Variants in CDH13 observed in about 807,000 individuals in gnomAD.
CDH13 encodes the protein cadherin-13.
A neutral mutation model predicts 63.8 loss-of-function variants in CDH13; 24 were observed. The observed-to-expected ratio is 0.38, with a 90% CI of 0.27 to 0.53. The LOEUF (loss-of-function observed/expected upper bound fraction) is 0.53. Ranked by LOEUF, CDH13 falls within the 20% of genes least tolerant of loss-of-function variation. CDH13 has a pLI of 0.85. For missense variants in CDH13, 1,049 were observed against 903.1 expected, an observed-to-expected ratio of 1.16 and a Z score of -2.07; for synonymous variants, 503 against 355.3, an observed-to-expected ratio of 1.42 and a Z score of -4.67.
At chr16:82,786,742 A>G (rs1299502783) in intron 1 of CDH13, among the ~76,000 whole-genome samples, 1 of 146,746 alleles carries the variant, frequency 6.8e-6, no homozygotes, top group African/African-American at 2.5e-5. Flanking sequence ...CCTATGAGTG[A>G]GAACATGCGG....
Position 82,899,068 on chromosome 16 carries a change from C to A in CDH13, c.157+40595C>A, listed in dbSNP as rs1159852877. Among the ~76,000 whole-genome samples the A allele has an allele frequency of 3.3e-5, 5 of 152,116 alleles. No homozygotes were observed. In the South Asian group the frequency reaches 8.3e-4, roughly 25 times the overall value. On this transcript the variant is annotated intron_variant, in intron 2 of 13. Coordinates refer to ENST00000567109, the MANE Select transcript of CDH13 (RefSeq NM_001257.5). The stretch of plus-strand genomic sequence containing the variant: ...GGATGACAAGTCCTTTTTGAAGGAC[C>A]ATCTGAAGGGTCCATCACAGTGTCC...
In CDH13 at chr16:83,800,006, G is replaced by C. The variant is rs555028029; in HGVS notation, c.*4976G>C. 6.6e-5 allele frequency: 10 copies of C among 152,334 alleles called. No homozygotes were observed. Among genetic ancestry groups the C allele is most frequent in the African/African-American group, 2.4e-4 (10 of 41,576 alleles). 9.4% of individuals were successfully genotyped at this position (152,334 alleles called of 1,614,324 possible). On this transcript the variant is annotated 3_prime_UTR_variant, in exon 14 of 14. Coordinates refer to ENST00000567109, the MANE Select transcript of CDH13 (RefSeq NM_001257.5). ...ATAATTGAGATACTCATCAAATTAA[G>C]TAAGCGGAAAAATTTCCTCTCTCTC...
At chr16:83,097,140 A>G (rs1394426699) in intron 3 of CDH13, among the ~76,000 whole-genome samples, 1 of 152,150 alleles carries the variant, frequency 6.6e-6, no homozygotes, top group Non-Finnish European at 1.5e-5. Context: ...ATATCACCAT[A>G]AAGGAGGAGA....
intron 8 of CDH13, among the ~76,000 whole-genome samples, chr16:83,645,654 C>G (rs1290688828): frequency 6.6e-6 from 1 of 152,038 alleles, no homozygotes; most frequent in Admixed American, 6.5e-5. Flanking sequence ...GCCCCTTCCC[C>G]ATCCTTCTCC....
intron 5 of CDH13, among the ~76,000 whole-genome samples, chr16:83,231,981 A>G (rs1388927813): frequency 6.6e-6 from 1 of 152,024 alleles, no homozygotes; most frequent in Non-Finnish European, 1.5e-5. Flanking sequence ...AAAACCAAAT[A>G]CCACATGTTC....
At chr16:82,683,051 T>G (rs139138823) in intron 1 of CDH13, among the ~76,000 whole-genome samples, 2,369 of 152,308 alleles carry the variant, frequency 0.016, 36 homozygotes, top group Non-Finnish European at 0.024. Flanking sequence ...TTATTCAGTT[T>G]CCATGGAGCT....
intron 1 of CDH13, among the ~76,000 whole-genome samples, chr16:82,678,123 G>A (rs1056754752): frequency 6.6e-6 from 1 of 152,124 alleles, no homozygotes; most frequent in South Asian, 2.1e-4. Context: ...AAGGTATCTA[G>A]TACGGGAAAC....
At chr16:82,941,531 G>A (rs949765982) in intron 2 of CDH13, among the ~76,000 whole-genome samples, 5 of 152,050 alleles carry the variant, frequency 3.3e-5, no homozygotes, top group Non-Finnish European at 7.4e-5. Flanking sequence ...TCCTTTGTGC[G>A]CCAAAATTTA....
chr16:83,399,551 A>G (rs1232503846), intron 6 of CDH13, among the ~76,000 whole-genome samples: 1 of 152,080 alleles, frequency 6.6e-6, no homozygotes, highest in Non-Finnish European at 1.5e-5. Context: ...TTTCATTGAG[A>G]TATGGGGACT....
intron 3 of CDH13, among the ~76,000 whole-genome samples, chr16:83,044,656 C>T (rs999893429): frequency 4.6e-5 from 7 of 152,144 alleles, no homozygotes; most frequent in African/African-American, 1.7e-4. Flanking sequence ...ATGCATTACC[C>T]GATTTAAGCT....
rs539973512 is a variant in CDH13 at position 83,021,857 on chromosome 16, G to A, written c.158-10153G>A. Among the ~76,000 whole-genome samples, 9 of 152,284 alleles carry A rather than the reference G, an allele frequency of 5.9e-5. 1 individual carries two copies. The highest frequency in any genetic ancestry group is 1.9e-4 in the East Asian group (1 of 5,178). ...AACATGGAACACGGAAGCCCAATAC[G>A]CATGTTCAGGAAGCAGAAGAGTAGA... On this transcript the variant is annotated intron_variant, in intron 2 of 13. Coordinates refer to ENST00000567109, the MANE Select transcript of CDH13 (RefSeq NM_001257.5).
At chr16:83,260,113 C>CACAG (rs1906793115) in intron 5 of CDH13, among the ~76,000 whole-genome samples, 1 of 148,280 alleles carries the variant, frequency 6.7e-6, no homozygotes, top group Non-Finnish European at 1.5e-5. Flanking sequence ...CACACACACA[C>CACAG]ACACACACAC....
chr16:82,736,697 T>G (rs867024571), intron 1 of CDH13, among the ~76,000 whole-genome samples: 1 of 152,212 alleles, frequency 6.6e-6, no homozygotes, highest in Admixed American at 6.5e-5. Flanking sequence ...CACCAATAAA[T>G]TTTTAGAAAA....
chr16:82,760,786 T>C (rs1252465848), intron 1 of CDH13, among the ~76,000 whole-genome samples: 1 of 151,970 alleles, frequency 6.6e-6, no homozygotes, highest in Non-Finnish European at 1.5e-5. Context: ...TTTACAATCA[T>C]GGTGTAAGGT....
At chr16:83,473,284 A>G (rs971679004) in intron 6 of CDH13, among the ~76,000 whole-genome samples, 3 of 152,216 alleles carry the variant, frequency 2.0e-5, no homozygotes, top group African/African-American at 4.8e-5. Context: ...CAACATCACC[A>G]TGTTACCCAA....
intron 8 of CDH13, among the ~76,000 whole-genome samples, chr16:83,650,286 T>G (rs553621200): frequency 6.6e-6 from 1 of 152,350 alleles, no homozygotes; most frequent in African/African-American, 2.4e-5. Context: ...TGTAGGGTAA[T>G]GAAAACTACA....
At chr16:83,472,724 A>G (rs2073488419) in intron 6 of CDH13, among the ~76,000 whole-genome samples, 1 of 152,110 alleles carries the variant, frequency 6.6e-6, no homozygotes, top group Non-Finnish European at 1.5e-5. Context: ...AGCATTTAAA[A>G]CCAAAAATGA....
chr16:82,762,659 C>T (rs368672514), intron 1 of CDH13, among the ~76,000 whole-genome samples: 1 of 152,174 alleles, frequency 6.6e-6, no homozygotes, highest in Non-Finnish European at 1.5e-5. Context: ...TTAAAATCCC[C>T]TGGCCAAACA....
intron 10 of CDH13, among the ~76,000 whole-genome samples, chr16:83,744,118 C>T (rs552613105): frequency 3.9e-5 from 6 of 152,268 alleles, no homozygotes; most frequent in African/African-American, 1.2e-4. Flanking sequence ...GGGTTTAGCA[C>T]CAAGCTGGGC....
Sources: allele counts gnomAD v4.1 joint callset (sites outside exome capture counted in the v4.1 genomes callset), GRCh38; gene constraint gnomAD v4.1.1; transcripts MANE v1.5; gene names NCBI Gene and HGNC (gene_info 2026-07-23, HGNC 2026-07-21).